The following PON2 variants were observed in gnomAD, a reference collection of about 807,000 sequenced individuals.
PON2 encodes serum paraoxonase/arylesterase 2.
In PON2, 27 loss-of-function variants were observed where a neutral mutation model predicts 36.6. The observed-to-expected ratio is 0.74, with a 90% CI of 0.54 to 1.02. The LOEUF is 1.02. Ranked by LOEUF, PON2 falls within the 50% of genes least tolerant of loss-of-function variation. The pLI is 0.00. For missense variants in PON2, 363 were observed against 421.1 expected (o/e 0.86, Z 1.21); for synonymous variants, 149 against 156.3 (o/e 0.95, Z 0.35).
At position 95,414,440 on chromosome 7, in the gene PON2, A is replaced by G. The variant is rs963305978; in HGVS notation, c.201+1802T>C. Among the ~76,000 whole-genome samples, 5 of 152,342 alleles carry G rather than the reference A, an allele frequency of 3.3e-5. No individual in the cohort carries two copies. In the South Asian group the frequency reaches 1.0e-3, roughly 32 times the overall value. ...ACAGAAAAAAAGCAGAAAAAGTTCT[A>G]TTGATATGGCTATAAGATCTTTGTA... On this transcript the variant is annotated intron_variant, in intron 3 of 8. Coordinates refer to ENST00000222572, the MANE Select transcript of PON2 (RefSeq NM_000305.3).
At chr7:95,420,054 G>A (rs1202500882) in intron 2 of PON2, among the ~76,000 whole-genome samples, 1 of 152,178 alleles carries the variant, frequency 6.6e-6, no homozygotes, top group South Asian at 2.1e-4. Flanking sequence ...ATATTGGAAA[G>A]TGAATTTGCA....
intron 6 of PON2, among the ~76,000 whole-genome samples, chr7:95,407,611 T>C (rs1394507911): frequency 6.6e-6 from 1 of 152,198 alleles, no homozygotes; most frequent in Non-Finnish European, 1.5e-5. Flanking sequence ...ATTTTACTCA[T>C]TGAATTGACT....
Position 95,411,705 on chromosome 7 carries a change from CTT to C in PON2, c.440_441del (p.Glu147GlyfsTer14). 1.9e-6 allele frequency: 3 copies of C among 1,613,780 alleles called. 1 individual carries two copies. In the South Asian group the frequency reaches 3.3e-5, roughly 18 times the overall value. Reference sequence around the variant, plus strand: ...TTCAGATGCAACAGAGAATTTTCTGCTTCTTCAAATTTAAAAATTTCCACTGT... The same window carrying C: ...TTCAGATGCAACAGAGAATTTTCTGCCTTCAAATTTAAAAATTTCCACTGT... ...KNTVEIFKFE[E>X]AENSLLHLKT... is the part of the protein sequence containing the mutation. On this transcript the variant is annotated frameshift_variant, in exon 5 of 9. Coordinates refer to ENST00000222572, the MANE Select transcript of PON2 (RefSeq NM_000305.3). LOFTEE classifies it high-confidence loss of function.
intron 7 of PON2, among the ~76,000 whole-genome samples, chr7:95,406,570 AACCTAAAATATGTGTTGTTG>A (rs1381718841): frequency 6.6e-6 from 1 of 152,070 alleles, no homozygotes; most frequent in Non-Finnish European, 1.5e-5. Context: ...ATTCTTAATC[AACCTAAAATATGTGTTGTTG>A]AGTAGGAAGA....
At chr7:95,413,217 G>A (rs6968305) in intron 3 of PON2, 40,687 of 151,906 alleles carry the variant, frequency 0.27, 5,863 homozygotes, top group South Asian at 0.36. Context: ...CCTCTTGAGC[G>A]CAGGAGTTTA....
chr7:95,424,361 T>A (rs1789264499), intron 2 of PON2, 154 bp downstream of exon 2: 2 of 666,918 alleles, frequency 3.0e-6, no homozygotes, highest in South Asian at 3.4e-5. Context: ...ACAGGGTTCA[T>A]CAGATCAAGA....
intron 8 of PON2, 45 bp from the exon 9 acceptor site, chr7:95,405,533 C>T: frequency 6.4e-7 from 1 of 1,553,304 alleles, no homozygotes; most frequent in South Asian, 1.1e-5. Context: ...ACCGTACATG[C>T]ATGTCACTCA....
intron 7 of PON2, 63 bp downstream of exon 7, chr7:95,406,924 G>T: frequency 9.4e-7 from 1 of 1,059,964 alleles, no homozygotes; most frequent in Non-Finnish European, 1.4e-6. Flanking sequence ...TACTCTTATA[G>T]AAAAACTATG....
chr7:95,411,670 T>C lies in PON2; in HGVS notation c.477A>G (p.Lys159=), dbSNP rs755200796. The change falls in exon 5 of 9, where the codon AAA becomes AAG. Residue 159 remains lysine (K), a synonymous_variant. Transcript: ENST00000222572. ...ENSLLHLKTV[K]HELLPSVNDI... ...GGAAGTACCTTGGAAGAAGCTCATG[T>C]TTGACTGTTTTCAGATGCAACAGAG... The C allele has an allele frequency of 7.2e-5, 116 of 1,613,848 alleles. No individual in the cohort carries two copies. The highest frequency in any genetic ancestry group is 8.9e-5 in the Non-Finnish European group (105 of 1,179,918).
At chr7:95,411,048 G>T (rs1788910954) in intron 5 of PON2, among the ~76,000 whole-genome samples, 1 of 152,024 alleles carries the variant, frequency 6.6e-6, no homozygotes, top group African/African-American at 2.4e-5. Flanking sequence ...ACTAAAAGAA[G>T]CAGTAGGCTA....
intron 4 of PON2, 91 bp downstream of exon 4, chr7:95,412,221 C>T (rs1788943374): frequency 6.6e-7 from 1 of 1,517,366 alleles, no homozygotes; most frequent in Non-Finnish European, 9.1e-7. Flanking sequence ...AATTGTTCTT[C>T]TCTTCCTAGA....
intron 2 of PON2, chr7:95,418,158 C>T (rs1789114306): frequency 6.6e-6 from 1 of 152,078 alleles, no homozygotes; most frequent in African/African-American, 2.4e-5. Context: ...ATCGTGTATC[C>T]CCTCTTCGGT....
At chr7:95,413,652 A>C (rs1196262721) in intron 3 of PON2, among the ~76,000 whole-genome samples, 1 of 152,222 alleles carries the variant, frequency 6.6e-6, no homozygotes, top group East Asian at 1.9e-4. Context: ...TTACATTCTT[A>C]AGGTAAAGCC....
chr7:95,429,277 TGTG>T (rs1360791013), intron 1 of PON2, among the ~76,000 whole-genome samples: 2 of 147,746 alleles, frequency 1.4e-5, no homozygotes, highest in African/African-American at 5.0e-5. Flanking sequence ...AGTGAGAACA[TGTG>T]GTGTTTGGTT....
intron 1 of PON2, among the ~76,000 whole-genome samples, chr7:95,425,414 G>C (rs1425011817): frequency 6.6e-6 from 1 of 152,168 alleles, no homozygotes; most frequent in Non-Finnish European, 1.5e-5. Flanking sequence ...GAAGCAGTTT[G>C]GGACAATATC....
In PON2 at chr7:95,412,330, T is replaced by C. The variant is rs1562786437; in HGVS notation, c.349A>G (p.Ser117Gly). ...CTCTTACCGTTGTCTATGAAAGTGC[T>C]GATGCCATGTGGATTGAATGAGGCC... Reference protein sequence around the residue: ...DLASFNPHGISTFIDNDDTVY... With the variant: ...DLASFNPHGIGTFIDNDDTVY... Residue 117 changes from serine (S) to glycine (G), a missense_variant, in exon 4 of 9, where the codon AGC becomes GGC. Transcript: ENST00000222572. 7 of 1,614,196 alleles carry C rather than the reference T, an allele frequency of 4.3e-6. No homozygotes were observed. Among genetic ancestry groups the C allele is most frequent in the Non-Finnish European group, 5.9e-6 (7 of 1,180,016 alleles).
chr7:95,424,699 T>G, intron 1 of PON2, 114 bp from the exon 2 acceptor site: 3 of 752,942 alleles, frequency 4.0e-6, no homozygotes, highest in Non-Finnish European at 6.6e-6. Flanking sequence ...ACAGTTTAAG[T>G]CTAAAGCAGA....
Position 95,434,976 on chromosome 7 carries a change from TC to T in PON2, c.-26del. On this transcript the variant is annotated 5_prime_UTR_variant, in exon 1 of 9. Transcript: ENST00000222572. The stretch of plus-strand genomic sequence containing the variant: ...TGGCGCGGGAGCCGGGCGCGCTGCC[TC>T]GCTCCGGCCTGGCCAGCAGCTCCGT... The T allele has an allele frequency of 1.3e-6, 2 of 1,518,190 alleles. No homozygotes were observed. Among genetic ancestry groups the T allele is most frequent in the Non-Finnish European group, 1.8e-6 (2 of 1,138,856 alleles). The allele number at this position is 1,518,190 out of a possible 1,614,324, so 94.0% of individuals were successfully genotyped here. A position where few individuals can be genotyped will look rare whatever the true frequency, so the allele number is the denominator to read the frequency against.
chr7:95,410,889 T>G (rs1470450208), intron 5 of PON2, among the ~76,000 whole-genome samples: 1 of 152,200 alleles, frequency 6.6e-6, no homozygotes, highest in Non-Finnish European at 1.5e-5. Context: ...TGCTCCTATT[T>G]TTTTTTATCA....
Sources: allele counts gnomAD v4.1 joint callset (sites outside exome capture counted in the v4.1 genomes callset), GRCh38; gene constraint gnomAD v4.1.1; transcripts MANE v1.5; gene names NCBI Gene and HGNC (gene_info 2026-07-23, HGNC 2026-07-21).